Variants in GREM2 observed in about 807,000 individuals in gnomAD.
GREM2 encodes the protein gremlin-2.
In GREM2, 11 loss-of-function variants were observed where a neutral mutation model predicts 14.2. The ratio of observed to expected loss-of-function variants is 0.78; its 90% CI spans 0.49 to 1.28. The LOEUF (loss-of-function observed/expected upper bound fraction) is 1.28. Among genes scored for constraint, GREM2 ranks in the 50% most tolerant of loss-of-function variants. GREM2 has a pLI of 0.00. For synonymous variants in GREM2, 98 were observed against 97.6 expected (o/e 1.00, Z -0.02); for missense variants, 210 against 218.5 (o/e 0.96, Z 0.24).
At chr1:240,594,691 C>T (rs1202117983) in intron 1 of GREM2, among the ~76,000 whole-genome samples, 2 of 151,680 alleles carry the variant, frequency 1.3e-5, no homozygotes, top group Admixed American at 6.6e-5. Context: ...AGTTCAGAGT[C>T]AAATATATAT....
At chr1:240,526,243 C>A (rs1678219195) in intron 1 of GREM2, among the ~76,000 whole-genome samples, 1 of 152,162 alleles carries the variant, frequency 6.6e-6, no homozygotes, top group African/African-American at 2.4e-5. Flanking sequence ...TAACGTGATT[C>A]AGATACCCAG....
intron 1 of GREM2, among the ~76,000 whole-genome samples, chr1:240,591,307 G>A (rs900341297): frequency 3.3e-5 from 5 of 152,180 alleles, no homozygotes; most frequent in Admixed American, 2.6e-4. Context: ...GCCTGACAGA[G>A]CGACTAACAC....
intron 1 of GREM2, among the ~76,000 whole-genome samples, chr1:240,560,703 C>T (rs910585655): frequency 2.0e-5 from 3 of 152,116 alleles, no homozygotes; most frequent in African/African-American, 7.2e-5. Context: ...ATCCTCTTTC[C>T]CCTAACTGAC....
chr1:240,501,313 T>G (rs1677565018), intron 1 of GREM2, among the ~76,000 whole-genome samples: 1 of 152,240 alleles, frequency 6.6e-6, no homozygotes, highest in Non-Finnish European at 1.5e-5. Flanking sequence ...TCCAAATGGA[T>G]TCATTTACTT....
chr1:240,561,693 T>TACAC (rs541661990), intron 1 of GREM2, among the ~76,000 whole-genome samples: 7,459 of 145,608 alleles, frequency 0.051, 313 homozygotes, highest in East Asian at 0.14. Context: ...TAATCCTGCA[T>TACAC]ACACACACAC....
chr1:240,507,342 CTCTT>C (rs1407643417), intron 1 of GREM2, among the ~76,000 whole-genome samples: 2 of 143,480 alleles, frequency 1.4e-5, no homozygotes, highest in East Asian at 2.3e-4. Flanking sequence ...CTTTACCTCT[CTCTT>C]TCTTTCTTTC....
At chr1:240,524,559 G>A (rs1315405074) in intron 1 of GREM2, among the ~76,000 whole-genome samples, 2 of 152,192 alleles carry the variant, frequency 1.3e-5, no homozygotes, top group African/African-American at 4.8e-5. Context: ...TATAGTATAA[G>A]GTTGGGTTAA....
At chr1:240,551,840 G>C (rs761077215) in intron 1 of GREM2, among the ~76,000 whole-genome samples, 1 of 152,120 alleles carries the variant, frequency 6.6e-6, no homozygotes, top group African/African-American at 2.4e-5. Context: ...GAGAAGGGAG[G>C]AGGAACCTCA....
At chr1:240,611,233 G>T (rs148007090) in intron 1 of GREM2, among the ~76,000 whole-genome samples, 1 of 152,108 alleles carries the variant, frequency 6.6e-6, no homozygotes, top group East Asian at 1.9e-4. Flanking sequence ...CGTGCCTGGC[G>T]TGCAGAATAC....
intron 1 of GREM2, among the ~76,000 whole-genome samples, chr1:240,516,497 G>A (rs1419458653): frequency 6.6e-6 from 1 of 152,080 alleles, no homozygotes; most frequent in Non-Finnish European, 1.5e-5. Context: ...TTTTCATTTT[G>A]AATGATATTA....
chr1:240,605,091 T>C (rs1272541576), intron 1 of GREM2, among the ~76,000 whole-genome samples: 3 of 152,140 alleles, frequency 2.0e-5, no homozygotes, highest in East Asian at 3.9e-4. Flanking sequence ...AAATACAGAA[T>C]GTGAGGTCCC....
chr1:240,562,813 GT>G (rs1679075779), intron 1 of GREM2, among the ~76,000 whole-genome samples: 1 of 151,596 alleles, frequency 6.6e-6, no homozygotes, highest in Non-Finnish European at 1.5e-5. Flanking sequence ...GTGTATGTGT[GT>G]ATTGTGTACA....
At chr1:240,573,806 C>T (rs561485513) in intron 1 of GREM2, among the ~76,000 whole-genome samples, 2 of 152,282 alleles carry the variant, frequency 1.3e-5, no homozygotes, top group African/African-American at 4.8e-5. Flanking sequence ...CAGCCTGGGA[C>T]CTTCCATAGC....
intron 1 of GREM2, among the ~76,000 whole-genome samples, chr1:240,570,318 C>G (rs944474461): frequency 6.6e-6 from 1 of 151,982 alleles, no homozygotes; most frequent in Admixed American, 6.6e-5. Context: ...AAAAATTAGC[C>G]AGGCATGGTG....
At chr1:240,525,769 G>T (rs986708410) in intron 1 of GREM2, among the ~76,000 whole-genome samples, 4 of 152,130 alleles carry the variant, frequency 2.6e-5, no homozygotes, top group African/African-American at 9.7e-5. Flanking sequence ...GTGAGCCACC[G>T]CGCCCAGTTC....
chr1:240,514,733 T>A (rs992777711), intron 1 of GREM2, among the ~76,000 whole-genome samples: 3 of 152,106 alleles, frequency 2.0e-5, no homozygotes, highest in African/African-American at 7.2e-5. Flanking sequence ...ACACCATCTC[T>A]ACAAAAAAAT....
In GREM2 at chr1:240,500,120, C is replaced by T. The variant is rs114723185; in HGVS notation, c.-1-6644G>A. ...AAGATGAAAACAATACTGACATTTC[C>T]CATTTTTATTTTGCAATCTTTCAGT... On this transcript the variant is annotated intron_variant, in intron 1 of 1. Transcript: ENST00000318160. Among the ~76,000 whole-genome samples the T allele has an allele frequency of 3.9e-3, 586 of 152,196 alleles. 3 individuals are homozygous for T. Among genetic ancestry groups the T allele is most frequent in the African/African-American group, 0.013 (554 of 41,516 alleles).
intron 1 of GREM2, among the ~76,000 whole-genome samples, chr1:240,510,237 G>A (rs1051639168): frequency 1.8e-4 from 28 of 151,690 alleles, no homozygotes; most frequent in African/African-American, 5.6e-4. Context: ...GGGCGTGGTG[G>A]CGGGCGCCTG....
chr1:240,599,539 G>C (rs1464496136), intron 1 of GREM2, among the ~76,000 whole-genome samples: 2 of 152,168 alleles, frequency 1.3e-5, no homozygotes, highest in African/African-American at 4.8e-5. Context: ...CGGTCCAGAG[G>C]CTGCATTTGT....
Sources: allele counts gnomAD v4.1 joint callset (sites outside exome capture counted in the v4.1 genomes callset), GRCh38; gene constraint gnomAD v4.1.1; transcripts MANE v1.5; gene names NCBI Gene and HGNC (gene_info 2026-07-23, HGNC 2026-07-21).